The following GLDC variants were observed in gnomAD, a reference collection of about 807,000 sequenced individuals.
GLDC encodes glycine dehydrogenase (decarboxylating), mitochondrial.
GLDC carries 104 observed loss-of-function variants against 121.3 expected under a neutral mutation model. That is an observed-to-expected ratio of 0.86 (90% CI 0.73 to 1.01). The LOEUF (loss-of-function observed/expected upper bound fraction) is 1.01, where lower values mean the gene tolerates loss of function less well. Ranked by LOEUF, GLDC falls within the 50% of genes least tolerant of loss-of-function variation. The probability of loss-of-function intolerance (pLI) is 0.00; values close to 1 mark genes in which losing one functional copy is unlikely to be tolerated. For missense variants in GLDC, 1,429 were observed against 1,306.6 expected, an observed-to-expected ratio of 1.09 and a Z score of -1.44; for synonymous variants, 546 against 480.6, an observed-to-expected ratio of 1.14 and a Z score of -1.78.
Position 6,575,268 on chromosome 9 carries a change from G to A in GLDC, c.1851-9839C>T, listed in dbSNP as rs190784711. Among the ~76,000 whole-genome samples the A allele has an allele frequency of 1.9e-3, 285 of 151,458 alleles. 1 individual carries two copies. The highest frequency in any genetic ancestry group is 6.5e-3 in the African/African-American group (268 of 41,292). Reference sequence around the variant, plus strand: ...CTCCCATATGGGCTCCATCCCCAGCGAAGATTCTGATGTAACTGGTTTGTG... The same window carrying A: ...CTCCCATATGGGCTCCATCCCCAGCAAAGATTCTGATGTAACTGGTTTGTG... On this transcript the variant is annotated intron_variant, in intron 15 of 24. Coordinates refer to ENST00000321612, the MANE Select transcript of GLDC (RefSeq NM_000170.3).
intron 7 of GLDC, among the ~76,000 whole-genome samples, chr9:6,604,155 C>T (rs966722911): frequency 8.6e-5 from 13 of 152,012 alleles, no homozygotes; most frequent in South Asian, 6.2e-4. Flanking sequence ...TTGGAAATTA[C>T]TCAAATGGCC....
intron 19 of GLDC, among the ~76,000 whole-genome samples, 159 bp downstream of exon 19, chr9:6,554,510 G>T (rs773289966): frequency 1.1e-4 from 17 of 152,134 alleles, no homozygotes; most frequent in Non-Finnish European, 2.1e-4. Flanking sequence ...TCCCCTAAAA[G>T]CACCCATTTT....
At chr9:6,567,405 C>T (rs1425332780) in intron 15 of GLDC, 2 of 152,198 alleles carry the variant, frequency 1.3e-5, no homozygotes, top group African/African-American at 4.8e-5. Context: ...GCCTATGTGC[C>T]TGAGAGATGT....
intron 3 of GLDC, among the ~76,000 whole-genome samples, chr9:6,613,770 G>C (rs1335846892): frequency 1.3e-5 from 2 of 151,764 alleles, no homozygotes; most frequent in African/African-American, 4.8e-5. Context: ...ATGATAACTA[G>C]TTTTTTGGGG....
At chr9:6,576,969 T>TA (rs1334101370) in intron 15 of GLDC, among the ~76,000 whole-genome samples, 2 of 152,226 alleles carry the variant, frequency 1.3e-5, no homozygotes, top group Non-Finnish European at 2.9e-5. Flanking sequence ...TTCTAGATCC[T>TA]AACCTTTCCC....
At chr9:6,567,234 C>T (rs921945164) in intron 15 of GLDC, 5 of 152,232 alleles carry the variant, frequency 3.3e-5, no homozygotes, top group African/African-American at 9.6e-5. Context: ...CAGCTATCTC[C>T]GCTCTCTTCC....
At chr9:6,609,922 C>T (rs975689533) in intron 4 of GLDC, among the ~76,000 whole-genome samples, 1 of 152,082 alleles carries the variant, frequency 6.6e-6, no homozygotes, top group Non-Finnish European at 1.5e-5. Context: ...ACCAAATATG[C>T]AGATGTCTTT....
In GLDC at chr9:6,533,123, A is replaced by G. The variant is rs1817036068; in HGVS notation, c.2957T>C (p.Ile986Thr). ...VKPENKFWPT[I>T]ARIDDIYGDQ... is the part of the protein sequence containing the mutation. ...TCCATATATGTCATCAATCCGGGCAATCGTTGGCCAGAATTTGTTCTCTGG... is the reference window on the plus strand; with the variant it reads ...TCCATATATGTCATCAATCCGGGCAGTCGTTGGCCAGAATTTGTTCTCTGG... Residue 986 changes from isoleucine (I) to threonine (T), a missense_variant, in exon 25 of 25, where the codon ATT (isoleucine) becomes ACT (threonine). By Grantham distance (89) the Ile-to-Thr change is moderately conservative. Coordinates refer to ENST00000321612, the MANE Select transcript of GLDC (RefSeq NM_000170.3). 2.5e-6 allele frequency: 4 copies of G among 1,613,238 alleles called. No homozygotes were observed. Among genetic ancestry groups the G allele is most frequent in the Non-Finnish European group, 3.4e-6 (4 of 1,179,228 alleles).
chr9:6,571,408 T>C (rs1385376696), intron 15 of GLDC, among the ~76,000 whole-genome samples: 9 of 152,148 alleles, frequency 5.9e-5, no homozygotes, highest in African/African-American at 1.9e-4. Flanking sequence ...TAAGAATAAA[T>C]AGAACAATTA....
At chr9:6,607,079 TA>T (rs1248251668) in intron 4 of GLDC, among the ~76,000 whole-genome samples, 1 of 151,234 alleles carries the variant, frequency 6.6e-6, no homozygotes, top group Non-Finnish European at 1.5e-5. Context: ...AAAAAAAATT[TA>T]AAAAAAAATT....
chr9:6,601,145 C>T (rs1818602150), intron 8 of GLDC, among the ~76,000 whole-genome samples: 1 of 152,146 alleles, frequency 6.6e-6, no homozygotes, highest in South Asian at 2.1e-4. Flanking sequence ...TGCACTCCAG[C>T]CTGGGCGACA....
At chr9:6,585,893 A>G (rs1415428551) in intron 15 of GLDC, among the ~76,000 whole-genome samples, 2 of 66,172 alleles carry the variant, frequency 3.0e-5, no homozygotes, top group South Asian at 3.7e-4. Context: ...TCTATCTATC[A>G]TCTGTCCATC....
chr9:6,609,562 G>C (rs1478475817), intron 4 of GLDC, among the ~76,000 whole-genome samples: 2 of 152,010 alleles, frequency 1.3e-5, no homozygotes, highest in African/African-American at 2.4e-5. Flanking sequence ...TCAGTCATGT[G>C]TGTGTGTTAT....
chr9:6,595,840 G>C (rs544600652), intron 8 of GLDC, among the ~76,000 whole-genome samples: 50 of 152,292 alleles, frequency 3.3e-4, no homozygotes, highest in African/African-American at 1.2e-3. Flanking sequence ...GCAAAATACA[G>C]TTGATGTTCA....
intron 2 of GLDC, among the ~76,000 whole-genome samples, chr9:6,632,758 C>T (rs1819413690): frequency 6.6e-6 from 1 of 152,198 alleles, no homozygotes; most frequent in Non-Finnish European, 1.5e-5. Flanking sequence ...GGGGCTGCCC[C>T]ACCTCTCTCT....
In GLDC at chr9:6,634,560, A is replaced by C. The variant is rs77647461; in HGVS notation, c.334+10054T>G. 1.6e-4 allele frequency among the ~76,000 whole-genome samples: 5 copies of C among 31,040 alleles called. No individual in the cohort carries two copies. In the East Asian group the frequency reaches 9.3e-3, roughly 58 times the overall value. The allele number at this position is 31,040 out of a possible 152,430, so 20.4% of individuals were successfully genotyped here. ...ACAAACAAACAAACAAACAAAAAAC[A>C]AAAAAAAAACCCGCCATGCTTCTCC... On this transcript the variant is annotated intron_variant, in intron 2 of 24. Transcript: ENST00000321612.
intron 11 of GLDC, 110 bp downstream of exon 11, chr9:6,592,033 G>A: frequency 1.3e-6 from 1 of 753,726 alleles, no homozygotes; most frequent in Non-Finnish European, 2.4e-6. Context: ...TTAACAACAA[G>A]CTACCAGTGT....
At chr9:6,543,364 A>T (rs1347710283) in intron 21 of GLDC, among the ~76,000 whole-genome samples, 1 of 152,086 alleles carries the variant, frequency 6.6e-6, no homozygotes, top group Non-Finnish European at 1.5e-5. Context: ...GACAGCAGGG[A>T]GGGGAGGAGG....
rs576723612 is a variant in GLDC at position 6,558,688 on chromosome 9, C to T, written c.1927-4G>A. 1.1e-4 allele frequency: 177 copies of T among 1,614,098 alleles called. No homozygotes were observed. In the South Asian group the frequency reaches 1.8e-3, roughly 17 times the overall value. On this transcript the variant is annotated splice_region_variant and splice_polypyrimidine_tract_variant and intron_variant, in intron 16 of 24. Transcript: ENST00000321612. ...CTGATTTCGGAATGAGGCAAACCTA[C>T]AGAATAGAAAGGAAGCAAAGAAAGA... is the stretch of plus-strand genomic sequence containing the variant.
Sources: gnomAD v4.1 joint callset for allele counts (sites outside exome capture counted in the v4.1 genomes callset) on GRCh38, gnomAD v4.1.1 for gene constraint, MANE v1.5 for transcripts, NCBI Gene and HGNC (gene_info 2026-07-23, HGNC 2026-07-21) for gene names.